The following SMAD9 variants were observed in gnomAD, a reference collection of about 807,000 sequenced individuals.
SMAD9 encodes the protein SMAD family member 9, also known as MAD homolog 9.
A neutral mutation model predicts 46.1 loss-of-function variants in SMAD9; 36 were observed. That is an observed-to-expected ratio of 0.78 (90% confidence interval 0.60 to 1.03). The LOEUF (loss-of-function observed/expected upper bound fraction) is 1.03, where lower values mean the gene tolerates loss of function less well. Among genes scored for constraint, SMAD9 ranks in the 50% least tolerant of loss-of-function variants. SMAD9 has a pLI of 0.00. For synonymous variants in SMAD9, 245 were observed against 237.1 expected (o/e 1.03, Z -0.31); for missense variants, 572 against 599.8 (o/e 0.95, Z 0.48).
chr13:36,877,656 C>G (rs484539), intron 2 of SMAD9, among the ~76,000 whole-genome samples: 6,578 of 151,518 alleles, frequency 0.043, 480 homozygotes, highest in African/African-American at 0.15. Context: ...TCAAAATGAA[C>G]CAGGGAAGAA....
intron 1 of SMAD9, among the ~76,000 whole-genome samples, chr13:36,908,522 G>T (rs2058635836): frequency 6.6e-6 from 1 of 152,022 alleles, no homozygotes. Flanking sequence ...GATCCCTCCT[G>T]GAATAGGAAT....
At position 36,909,195 on chromosome 13, in the gene SMAD9, C is replaced by T. The variant is rs560992313; in HGVS notation, c.-187+10921G>A. ...TGCTCATTATCACTTCTTTGGAAGA[C>T]AGAACCACTATTCCATTGCCTGTTT... On this transcript the variant is annotated intron_variant, in intron 1 of 6. Transcript: ENST00000379826. Among the ~76,000 whole-genome samples, 88 of 152,236 alleles carry T rather than the reference C, an allele frequency of 5.8e-4. 1 individual carries two copies. The South Asian group carries it at 0.017, about 30-fold the overall frequency.
rs2058376452 is a variant in SMAD9, at chr13:36,879,212, T to C, written c.412+66A>G. The stretch of plus-strand genomic sequence containing the variant: ...TCCCTGTCTGCTGGTGCCCCATCAT[T>C]CTCCATCAATGGGGCACACGACCTT... On this transcript the variant is annotated intron_variant, in intron 2 of 6. Coordinates refer to ENST00000379826, the MANE Select transcript of SMAD9 (RefSeq NM_001127217.3). 6 of 1,368,158 alleles carry C rather than the reference T, an allele frequency of 4.4e-6. No individual in the cohort carries two copies. In the Admixed American group the frequency reaches 6.8e-5, roughly 15 times the overall value. 84.8% of individuals were successfully genotyped at this position (1,368,158 alleles called of 1,614,324 possible).
chr13:36,897,897 C>T (rs1018649569), intron 1 of SMAD9, among the ~76,000 whole-genome samples: 24 of 139,178 alleles, frequency 1.7e-4, no homozygotes, highest in African/African-American at 4.9e-4. Context: ...CGCTCTGTTG[C>T]CCAGGCTGGA....
chr13:36,890,650 C>T lies in SMAD9; in HGVS notation c.-186-10775G>A, dbSNP rs1323353054. 2.0e-5 allele frequency among the ~76,000 whole-genome samples: 3 copies of T among 152,150 alleles called. No individual in the cohort carries two copies. In the East Asian group the frequency reaches 5.8e-4, roughly 29 times the overall value. On this transcript the variant is annotated intron_variant, in intron 1 of 6. Coordinates refer to ENST00000379826, the MANE Select transcript of SMAD9 (RefSeq NM_001127217.3). The stretch of plus-strand genomic sequence containing the variant: ...AACTGGTTTTGCAGGTAACTAGGCA[C>T]ATTCAACTTTCTTCTCATTGTTGTA...
chr13:36,920,083 C>A (rs1365913859), intron 1 of SMAD9, 33 bp downstream of exon 1: 2 of 150,830 alleles, frequency 1.3e-5, no homozygotes, highest in Non-Finnish European at 3.0e-5. Context: ...GCCGTGGTCC[C>A]CCGGCCGCCC....
rs1330790731 is a variant in SMAD9, at chr13:36,867,808, C to T, written c.671-425G>A. 3.3e-5 allele frequency among the ~76,000 whole-genome samples: 5 copies of T among 152,282 alleles called. No homozygotes were observed. In the East Asian group the frequency reaches 9.7e-4, roughly 29 times the overall value. ...AAATTGTACAATGGCCACGGGGACG[C>T]TCTATCCCTGAGATACTTCAAGATA... On this transcript the variant is annotated intron_variant, in intron 3 of 6. Transcript: ENST00000379826.
chr13:36,875,616 T>C (rs1315872055), intron 2 of SMAD9, among the ~76,000 whole-genome samples: 5 of 152,074 alleles, frequency 3.3e-5, no homozygotes, highest in Non-Finnish European at 7.4e-5. Flanking sequence ...AAGTGAGGAG[T>C]TGACACAGCG....
chr13:36,872,260 T>C (rs1274973539), intron 3 of SMAD9, among the ~76,000 whole-genome samples: 1 of 151,692 alleles, frequency 6.6e-6, no homozygotes, highest in African/African-American at 2.4e-5. Context: ...CCTTTGATTG[T>C]TGAAAGAGGC....
chr13:36,900,702 C>CAT (rs2058567867), intron 1 of SMAD9, among the ~76,000 whole-genome samples: 1 of 151,036 alleles, frequency 6.6e-6, no homozygotes, highest in Non-Finnish European at 1.5e-5. Flanking sequence ...CACACACACA[C>CAT]ACACACACAC....
intron 1 of SMAD9, among the ~76,000 whole-genome samples, chr13:36,886,258 T>G (rs2058443708): frequency 1.3e-5 from 2 of 152,086 alleles, no homozygotes; most frequent in Non-Finnish European, 2.9e-5. Context: ...ATAATCCCGC[T>G]CCCAAAGGAC....
intron 2 of SMAD9, among the ~76,000 whole-genome samples, chr13:36,876,189 A>G (rs1321264672): frequency 2.0e-5 from 3 of 152,170 alleles, no homozygotes; most frequent in Admixed American, 6.5e-5. Context: ...ACGGGGGGAG[A>G]CAGCGGAAGG....
At chr13:36,852,397 G>A (rs1219664532) in intron 6 of SMAD9, 2 of 984,940 alleles carry the variant, frequency 2.0e-6, no homozygotes, top group Admixed American at 1.2e-4. Context: ...TCATTTGCGA[G>A]TACTTTGCAA....
intron 3 of SMAD9, 22 bp downstream of exon 3, chr13:36,872,634 CCA>C (rs1321245426): frequency 6.2e-7 from 1 of 1,613,470 alleles, no homozygotes; most frequent in Non-Finnish European, 8.5e-7. Flanking sequence ...CCGTATTTCC[CCA>C]CAGACCATAG....
intron 2 of SMAD9, among the ~76,000 whole-genome samples, chr13:36,875,096 C>T (rs2762137): frequency 0.5 from 74,986 of 151,474 alleles, 19,181 homozygotes; most frequent in African/African-American, 0.61. Context: ...AGTTTGTCTC[C>T]GGGTATAAAT....
chr13:36,881,303 G>A (rs1205467568), intron 1 of SMAD9, among the ~76,000 whole-genome samples: 3 of 152,174 alleles, frequency 2.0e-5, no homozygotes, highest in Non-Finnish European at 4.4e-5. Flanking sequence ...TTTGGAGTAA[G>A]CTGACTCAAG....
intron 1 of SMAD9, among the ~76,000 whole-genome samples, chr13:36,912,587 C>T (rs2058670263): frequency 6.6e-6 from 1 of 152,120 alleles, no homozygotes; most frequent in African/African-American, 2.4e-5. Flanking sequence ...TGCAAACTCA[C>T]TCACCCTTGA....
At chr13:36,860,668 G>A (rs1343181267) in intron 5 of SMAD9, among the ~76,000 whole-genome samples, 1 of 151,488 alleles carries the variant, frequency 6.6e-6, no homozygotes, top group South Asian at 2.1e-4. Context: ...TTAGCCAGGA[G>A]GGTCTCGATC....
rs200375847 is a variant in SMAD9 at position 36,848,619 on chromosome 13, C to T, written c.*57G>A. The T allele has an allele frequency of 2.2e-5, 34 of 1,530,980 alleles. No individual in the cohort carries two copies. The highest frequency in any genetic ancestry group is 3.0e-5 in the Non-Finnish European group (33 of 1,104,590). 94.8% of individuals were successfully genotyped at this position (1,530,980 alleles called of 1,614,324 possible). A position where few individuals can be genotyped will look rare whatever the true frequency, so the allele number is the denominator to read the frequency against. ...CTTCAGTTGCAAATCTGAAATGATA[C>T]AAGCCACTCCCTGCAATAGCCTCTA... is the stretch of plus-strand genomic sequence containing the variant. On this transcript the variant is annotated 3_prime_UTR_variant, in exon 7 of 7. Transcript: ENST00000379826.
Sources: allele counts gnomAD v4.1 joint callset (sites outside exome capture counted in the v4.1 genomes callset), GRCh38; gene constraint gnomAD v4.1.1; transcripts MANE v1.5; gene names NCBI Gene and HGNC (gene_info 2026-07-23, HGNC 2026-07-21).